Variants in TRIM37 observed in about 807,000 individuals in gnomAD.
TRIM37 encodes the protein E3 ubiquitin-protein ligase TRIM37.
TRIM37 carries 80 observed loss-of-function variants against 129.8 expected under a neutral mutation model. That is an observed-to-expected ratio of 0.62 (90% confidence interval 0.51 to 0.74). TRIM37 has a LOEUF of 0.74. Among genes scored for constraint, TRIM37 ranks in the 30% least tolerant of loss-of-function variants. The pLI is 0.00. For missense variants in TRIM37, 1,054 were observed against 1,176.5 expected (o/e 0.90, Z 1.52); for synonymous variants, 389 against 387.1 (o/e 1.00, Z -0.06).
chr17:59,073,173 T>C (rs1374407191), intron 8 of TRIM37: 1 of 152,280 alleles, frequency 6.6e-6, no homozygotes, highest in Non-Finnish European at 1.5e-5. Context: ...ACTATACATG[T>C]GTTTCCACAA....
At chr17:59,058,209 G>A (rs983996143) in intron 12 of TRIM37, among the ~76,000 whole-genome samples, 3 of 152,162 alleles carry the variant, frequency 2.0e-5, no homozygotes, top group Non-Finnish European at 2.9e-5. Context: ...AAAAAAGAAC[G>A]AGATTATGTT....
chr17:58,998,808 A>T lies in TRIM37; in HGVS notation c.*569T>A, dbSNP rs540000858. On this transcript the variant is annotated 3_prime_UTR_variant, in exon 24 of 24. Transcript: ENST00000262294. ...TTGAACAGTGTGCCTGTACTTGAAC[A>T]AGTGAGAGAAGATACATACTCCAAA... 5.1e-4 allele frequency: 502 copies of T among 988,276 alleles called. 1 individual carries two copies. In the African/African-American group the frequency reaches 8.4e-3, roughly 17 times the overall value. 61.2% of individuals were successfully genotyped at this position (988,276 alleles called of 1,614,324 possible). A position where few individuals can be genotyped will look rare whatever the true frequency, so the allele number is the denominator to read the frequency against.
downstream of TRIM37, among the ~76,000 whole-genome samples, chr17:58,996,789 T>TAC (rs1464715166): frequency 2.2e-5 from 3 of 133,742 alleles, no homozygotes; most frequent in Non-Finnish European, 3.3e-5. Flanking sequence ...AAAGTATATA[T>TAC]ATATGTGTGT....
chr17:58,997,745 G>A (rs1385014625), downstream of TRIM37, among the ~76,000 whole-genome samples: 3 of 152,100 alleles, frequency 2.0e-5, no homozygotes, highest in African/African-American at 7.2e-5. Flanking sequence ...AAAACATGCT[G>A]AGGGCTCTAT....
At chr17:59,088,645 T>A (rs960828335) in intron 3 of TRIM37, among the ~76,000 whole-genome samples, 3 of 151,754 alleles carry the variant, frequency 2.0e-5, no homozygotes, top group Admixed American at 6.6e-5. Flanking sequence ...GCCTCCTGAG[T>A]GGCTGGGACT....
At chr17:59,032,252 G>A (rs567994306) in intron 17 of TRIM37, among the ~76,000 whole-genome samples, 162 bp from the exon 18 acceptor site, 56 of 152,258 alleles carry the variant, frequency 3.7e-4, no homozygotes, top group African/African-American at 3.1e-4. Flanking sequence ...AGGGCCGGGC[G>A]CGGTGGCTCA....
chr17:59,075,303 C>G (rs531328070), intron 8 of TRIM37, among the ~76,000 whole-genome samples: 1 of 152,084 alleles, frequency 6.6e-6, no homozygotes, highest in East Asian at 1.9e-4. Context: ...GTGGCTCACG[C>G]CTGTAATCCC....
chr17:59,081,958 A>AAATAAT (rs2043322205), intron 5 of TRIM37, among the ~76,000 whole-genome samples: 1 of 125,050 alleles, frequency 8.0e-6, no homozygotes, highest in Non-Finnish European at 1.7e-5. Flanking sequence ...AAAAATAAAA[A>AAATAAT]AAAAAAAATA....
intron 13 of TRIM37, among the ~76,000 whole-genome samples, chr17:59,052,661 AAG>A (rs143718778): frequency 5.4e-4 from 82 of 152,206 alleles, no homozygotes; most frequent in African/African-American, 1.9e-3. Context: ...GTATTAAAAA[AAG>A]AGAGAGATTG....
downstream of TRIM37, among the ~76,000 whole-genome samples, chr17:58,997,834 T>A (rs1006954958): frequency 1.3e-5 from 2 of 152,152 alleles, no homozygotes; most frequent in African/African-American, 2.4e-5. Context: ...CTTCCTTCCC[T>A]CTCTGCTACC....
intron 18 of TRIM37, among the ~76,000 whole-genome samples, chr17:59,031,283 T>C (rs956606235): frequency 6.6e-6 from 1 of 152,272 alleles, no homozygotes; most frequent in Non-Finnish European, 1.5e-5. Context: ...ATACTGACTA[T>C]ACTTTAGAAA....
chr17:59,087,250 G>A (rs138114431), intron 4 of TRIM37, among the ~76,000 whole-genome samples: 2,517 of 151,582 alleles, frequency 0.017, 61 homozygotes, highest in African/African-American at 0.057. Flanking sequence ...CGTCCACCAC[G>A]ACGCCCAGCT....
chr17:58,973,414 C>CAA, the TRIM37 span, among the ~76,000 whole-genome samples: 5 of 117,786 alleles, frequency 4.2e-5, no homozygotes, highest in African/African-American at 6.4e-5. Context: ...GAGACTGTCT[C>CAA]AAAAAAAAAA....
chr17:59,075,338 C>T (rs1170092210), intron 8 of TRIM37, among the ~76,000 whole-genome samples: 1 of 151,746 alleles, frequency 6.6e-6, no homozygotes, highest in Non-Finnish European at 1.5e-5. Context: ...CTGAGGCGGG[C>T]AGATCACCAG....
At chr17:59,064,587 C>T (rs1410713794) in intron 9 of TRIM37, among the ~76,000 whole-genome samples, 182 bp from the exon 10 acceptor site, 1 of 152,074 alleles carries the variant, frequency 6.6e-6, no homozygotes, top group African/African-American at 2.4e-5. Flanking sequence ...ATCAAGTTTG[C>T]AATTAAATTG....
intron 13 of TRIM37, among the ~76,000 whole-genome samples, chr17:59,051,961 T>C (rs2040394768): frequency 6.6e-6 from 1 of 152,070 alleles, no homozygotes; most frequent in African/African-American, 2.4e-5. Context: ...CCATCTCACG[T>C]TCCCGTATTT....
intron 17 of TRIM37, among the ~76,000 whole-genome samples, chr17:59,040,772 C>A (rs986116745): frequency 6.6e-6 from 1 of 152,038 alleles, no homozygotes; most frequent in Non-Finnish European, 1.5e-5. Flanking sequence ...CCAGGCCGGG[C>A]GCGGTGGCTC....
At chr17:58,987,747 T>C (rs1227682268) in intron 24 of TRIM37, among the ~76,000 whole-genome samples, 1 of 152,228 alleles carries the variant, frequency 6.6e-6, no homozygotes, top group African/African-American at 2.4e-5. Context: ...CCCAAATTTT[T>C]CTAATCTTAT....
intron 22 of TRIM37, among the ~76,000 whole-genome samples, chr17:59,010,888 C>T (rs1299352733): frequency 2.6e-5 from 4 of 151,936 alleles, no homozygotes; most frequent in Admixed American, 6.6e-5. Flanking sequence ...AACTATTCCC[C>T]GGCCGGCCTT....
Sources: gnomAD v4.1 joint callset for allele counts (sites outside exome capture counted in the v4.1 genomes callset) on GRCh38, gnomAD v4.1.1 for gene constraint, MANE v1.5 for transcripts, NCBI Gene and HGNC (gene_info 2026-07-23, HGNC 2026-07-21) for gene names.